ARHGAP25: variants seen among roughly 807,000 people sequenced by gnomAD.
The protein encoded by ARHGAP25 is Rho GTPase activating protein 25.
A neutral mutation model predicts 71.0 loss-of-function variants in ARHGAP25; 34 were observed. The ratio of observed to expected loss-of-function variants is 0.48; its 90% CI spans 0.36 to 0.64. The LOEUF (loss-of-function observed/expected upper bound fraction) is 0.64. ARHGAP25 is among the 30% of genes least tolerant of loss of function. ARHGAP25 has a pLI of 0.00. For missense variants in ARHGAP25, 706 were observed against 805.1 expected (o/e 0.88, Z 1.49); for synonymous variants, 282 against 296.5 (o/e 0.95, Z 0.50).
At chr2:68,759,294 C>G (rs747860783) in intron 1 of ARHGAP25, among the ~76,000 whole-genome samples, 7 of 150,860 alleles carry the variant, frequency 4.6e-5, no homozygotes, top group Non-Finnish European at 1.0e-4. Flanking sequence ...AAAACAAAAA[C>G]TTAGCTCTTC....
intron 1 of ARHGAP25, among the ~76,000 whole-genome samples, chr2:68,754,526 G>A (rs55874287): frequency 0.09 from 13,690 of 152,196 alleles, 705 homozygotes; most frequent in Non-Finnish European, 0.11. Context: ...TAGACATTAC[G>A]AATAAACTGT....
At position 68,751,056 on chromosome 2, in the gene ARHGAP25, C is replaced by G. The variant is rs74603727; in HGVS notation, c.61+15796C>G. Among the ~76,000 whole-genome samples the G allele has an allele frequency of 8.9e-3, 1,360 of 152,334 alleles. 20 individuals carry two copies. The highest frequency in any genetic ancestry group is 0.031 in the African/African-American group (1,293 of 41,562). On this transcript the variant is annotated intron_variant, in intron 1 of 10. Transcript: ENST00000409202. ...TTACCTGTGGAGTATCCTAGAAGGA[C>G]TTGTTTTTGGAATAACATTGCAGAC...
intron 1 of ARHGAP25, among the ~76,000 whole-genome samples, chr2:68,774,120 A>T (rs931551285): frequency 6.6e-6 from 1 of 152,146 alleles, no homozygotes; most frequent in African/African-American, 2.4e-5. Flanking sequence ...GGGTTGGAAG[A>T]TGGAGCCTTC....
At chr2:68,765,152 G>T (rs1391169093) in intron 1 of ARHGAP25, among the ~76,000 whole-genome samples, 1 of 152,116 alleles carries the variant, frequency 6.6e-6, no homozygotes, top group Admixed American at 6.5e-5. Flanking sequence ...CATACTGGCA[G>T]CCTCAGTAAG....
intron 2 of ARHGAP25, among the ~76,000 whole-genome samples, chr2:68,713,837 A>G (rs985403152): frequency 5.9e-5 from 9 of 152,156 alleles, no homozygotes; most frequent in Non-Finnish European, 1.2e-4. Flanking sequence ...AATGAAGCCA[A>G]CTTGATCATG....
chr2:68,815,034 G>T (rs1681100099), intron 6 of ARHGAP25, among the ~76,000 whole-genome samples: 1 of 152,192 alleles, frequency 6.6e-6, no homozygotes, highest in Admixed American at 6.5e-5. Flanking sequence ...CTCACCCCTG[G>T]GTTCTGGGGA....
chr2:68,782,327 C>T lies in ARHGAP25; in HGVS notation c.349+7C>T. The T allele has an allele frequency of 6.2e-7, 1 of 1,613,716 alleles. No homozygotes were observed. Among genetic ancestry groups the T allele is most frequent in the Non-Finnish European group, 8.5e-7 (1 of 1,179,690 alleles). On this transcript the variant is annotated splice_region_variant and intron_variant, in intron 3 of 10. Transcript: ENST00000409202. ...GTCTTTGAAATCATTCCAGGTAGGC[C>T]ACCACAGGTAGGACAGAGGTGCAGT...
intron 5 of ARHGAP25, among the ~76,000 whole-genome samples, chr2:68,809,729 C>G (rs1049094931): frequency 6.6e-6 from 1 of 152,098 alleles, no homozygotes; most frequent in Non-Finnish European, 1.5e-5. Flanking sequence ...CTTGCTGTCC[C>G]CAACTTCACG....
At chr2:68,787,119 TTC>T (rs1678811803) in intron 3 of ARHGAP25, among the ~76,000 whole-genome samples, 1 of 152,238 alleles carries the variant, frequency 6.6e-6, no homozygotes. Context: ...CTTTCCCACA[TTC>T]TTTCTCTTCG....
In ARHGAP25 at chr2:68,735,046, C is replaced by T. The variant is rs2104275482; in HGVS notation, c.-154C>T. ...TAAGAGAAAGGAGGAGACACGTTGG[C>T]AAATCAGCCTCAAGCCTAAGATTGC... On this transcript the variant is annotated 5_prime_UTR_variant, in exon 1 of 11. The change creates a premature stop within an existing upstream ORF in the 5' untranslated region. Transcript: ENST00000409202. 1.4e-6 allele frequency: 1 copy of T among 701,006 alleles called. No individual in the cohort carries two copies. Among genetic ancestry groups the T allele is most frequent in the Non-Finnish European group, 2.5e-6 (1 of 393,472 alleles). The allele number at this position is 701,006 out of a possible 1,614,324, so 43.4% of individuals were successfully genotyped here.
chr2:68,711,967 A>G (rs1450452957), intron 2 of ARHGAP25, among the ~76,000 whole-genome samples: 2 of 152,208 alleles, frequency 1.3e-5, no homozygotes, highest in Non-Finnish European at 2.9e-5. Context: ...TAGTGCTGCA[A>G]TAAACATACA....
In ARHGAP25 at chr2:68,722,884, G is replaced by T. The variant is rs1674796444; in HGVS notation, c.-18+12186G>T. ...TTGGTGCAGACACCCTCAGGCCAAGGTCAACAGCCACATAGGCTCCCCACT... is the reference window on the plus strand; with the variant it reads ...TTGGTGCAGACACCCTCAGGCCAAGTTCAACAGCCACATAGGCTCCCCACT... On this transcript the variant is annotated intron_variant and NMD_transcript_variant, in intron 2 of 7. Transcript: ENST00000463483. 1.3e-5 allele frequency among the ~76,000 whole-genome samples: 2 copies of T among 152,206 alleles called. 1 individual carries two copies. Among genetic ancestry groups the T allele is most frequent in the South Asian group, 4.1e-4 (2 of 4,834 alleles).
chr2:68,711,030 G>A (rs1573366597), intron 2 of ARHGAP25, among the ~76,000 whole-genome samples: 2 of 152,108 alleles, frequency 1.3e-5, no homozygotes, highest in East Asian at 3.8e-4. Context: ...CTTGAACTTG[G>A]CCTTTTAAGT....
chr2:68,783,968 C>T lies in ARHGAP25; in HGVS notation c.349+1648C>T, dbSNP rs555291449. Among the ~76,000 whole-genome samples the T allele has an allele frequency of 3.9e-5, 6 of 152,306 alleles. No homozygotes were observed. In the South Asian group the frequency reaches 1.2e-3, roughly 32 times the overall value. On this transcript the variant is annotated intron_variant, in intron 3 of 10. Coordinates refer to ENST00000409202, the MANE Select transcript of ARHGAP25 (RefSeq NM_001007231.3). Reference sequence around the variant, plus strand: ...ATGTGTGTCCCAAAGCCTGGGTTTTCAATCTAGAGTAACCCTACTGAGAGA... The same window carrying T: ...ATGTGTGTCCCAAAGCCTGGGTTTTTAATCTAGAGTAACCCTACTGAGAGA...
intron 4 of ARHGAP25, among the ~76,000 whole-genome samples, chr2:68,801,703 G>T (rs1006970452): frequency 6.6e-6 from 1 of 152,182 alleles, no homozygotes; most frequent in Non-Finnish European, 1.5e-5. Flanking sequence ...GTCTGCCTTT[G>T]AGGGGTCCAC....
At chr2:68,792,887 C>T (rs1019662122) in intron 4 of ARHGAP25, among the ~76,000 whole-genome samples, 1 of 152,170 alleles carries the variant, frequency 6.6e-6, no homozygotes, top group Non-Finnish European at 1.5e-5. Context: ...TTTGCATTCC[C>T]ACCAACAGTG....
chr2:68,801,584 T>C (rs7573507), intron 4 of ARHGAP25, among the ~76,000 whole-genome samples: 148,511 of 152,310 alleles, frequency 0.98, 72,428 homozygotes, highest in East Asian at 1. Flanking sequence ...AAGTACTGAG[T>C]AGAGAAAAGG....
chr2:68,800,602 T>A (rs1050309705), intron 4 of ARHGAP25, among the ~76,000 whole-genome samples: 1 of 152,146 alleles, frequency 6.6e-6, no homozygotes, highest in Non-Finnish European at 1.5e-5. Flanking sequence ...TGAGACTTTA[T>A]GATCTCTGAA....
chr2:68,745,470 A>T (rs1188855069), intron 1 of ARHGAP25, among the ~76,000 whole-genome samples: 3 of 152,216 alleles, frequency 2.0e-5, no homozygotes, highest in African/African-American at 7.2e-5. Flanking sequence ...CATAACTAGC[A>T]TTAAATCTAC....
Sources: allele counts gnomAD v4.1 joint callset (sites outside exome capture counted in the v4.1 genomes callset), GRCh38; gene constraint gnomAD v4.1.1; transcripts MANE v1.5; gene names NCBI Gene and HGNC (gene_info 2026-07-23, HGNC 2026-07-21).